The following TYW1 variants were observed in gnomAD, a reference collection of about 807,000 sequenced individuals.
TYW1 encodes the protein tRNA-yW synthesizing protein 1 homolog.
A neutral mutation model predicts 96.2 loss-of-function variants in TYW1; 46 were observed. The observed-to-expected ratio is 0.48, with a 90% CI of 0.38 to 0.61. TYW1 has a LOEUF of 0.61. TYW1 is among the 20% of genes least tolerant of loss of function. TYW1 has a pLI of 0.00. For missense variants in TYW1, 684 were observed against 909.6 expected (o/e 0.75, Z 3.19); for synonymous variants, 274 against 323.0 (o/e 0.85, Z 1.63).
chr7:67,027,377 A>T (rs1021501877), intron 7 of TYW1, among the ~76,000 whole-genome samples: 1 of 125,536 alleles, frequency 8.0e-6, no homozygotes, highest in African/African-American at 2.6e-5. Flanking sequence ...TAGAAGCAAT[A>T]AAAAAAATTA....
intron 15 of TYW1, among the ~76,000 whole-genome samples, chr7:67,216,506 T>TA (rs199783163): frequency 0.034 from 4,986 of 144,776 alleles, 304 homozygotes; most frequent in East Asian, 0.18. Flanking sequence ...GTGTGTCTAT[T>TA]TCAGTGTGTT....
At chr7:66,997,504 G>T (rs1176427647) in intron 1 of TYW1, among the ~76,000 whole-genome samples, 1 of 152,158 alleles carries the variant, frequency 6.6e-6, no homozygotes, top group Non-Finnish European at 1.5e-5. Flanking sequence ...TCCTTCTCTT[G>T]CTTCTAAATG....
Position 67,221,964 on chromosome 7 carries a change from G to A in TYW1, c.1978-16344G>A, listed in dbSNP as rs575912204. The stretch of plus-strand genomic sequence containing the variant: ...TGTAATCCCAGCACTTTGGGAGGCC[G>A]AGGTGGGCAGATCATCTGAGGTCAG... On this transcript the variant is annotated intron_variant, in intron 15 of 15. Coordinates refer to ENST00000359626, the MANE Select transcript of TYW1 (RefSeq NM_018264.4). Among the ~76,000 whole-genome samples the A allele has an allele frequency of 1.6e-4, 24 of 151,916 alleles. No individual in the cohort carries two copies. In the South Asian group the frequency reaches 2.3e-3, roughly 14 times the overall value.
chr7:67,137,629 A>C (rs1274736895), intron 13 of TYW1, among the ~76,000 whole-genome samples: 1 of 152,194 alleles, frequency 6.6e-6, no homozygotes, highest in African/African-American at 2.4e-5. Flanking sequence ...CAGTTTAAAC[A>C]AGACTCTGGG....
chr7:67,107,469 T>C (rs1563017066), intron 12 of TYW1, among the ~76,000 whole-genome samples: 1 of 152,092 alleles, frequency 6.6e-6, no homozygotes, highest in Non-Finnish European at 1.5e-5. Flanking sequence ...TGCAGAGAGG[T>C]GGCAAAAAGC....
At chr7:67,231,428 A>C (rs1351405846) in intron 15 of TYW1, among the ~76,000 whole-genome samples, 11 of 152,206 alleles carry the variant, frequency 7.2e-5, no homozygotes, top group Admixed American at 3.9e-4. Context: ...TGTTTCCTAA[A>C]GTTACTCCTT....
At chr7:67,040,042 C>T (rs971728637) in intron 7 of TYW1, among the ~76,000 whole-genome samples, 16 of 151,688 alleles carry the variant, frequency 1.1e-4, no homozygotes, top group South Asian at 6.2e-4. Context: ...CTGCAGCCTC[C>T]GCCTCCTGGG....
At chr7:67,047,355 A>C (rs1795217128) in intron 7 of TYW1, among the ~76,000 whole-genome samples, 1 of 152,224 alleles carries the variant, frequency 6.6e-6, no homozygotes, top group African/African-American at 2.4e-5. Flanking sequence ...ACATAGCGAG[A>C]CTTCATCTCA....
At chr7:67,110,477 ATC>A (rs1269818238) in intron 12 of TYW1, among the ~76,000 whole-genome samples, 1 of 152,230 alleles carries the variant, frequency 6.6e-6, no homozygotes, top group Non-Finnish European at 1.5e-5. Context: ...ATTTAAGGAT[ATC>A]TCTGTCCATT....
intron 7 of TYW1, among the ~76,000 whole-genome samples, chr7:67,031,296 G>A (rs1183922076): frequency 1.5e-4 from 17 of 113,208 alleles, no homozygotes; most frequent in South Asian, 3.3e-4. Context: ...GAGAGAATTA[G>A]AAAATCAGCT....
intron 7 of TYW1, among the ~76,000 whole-genome samples, chr7:67,037,476 C>T (rs552040731): frequency 6.9e-4 from 104 of 150,338 alleles, no homozygotes; most frequent in African/African-American, 2.4e-3. Context: ...TGCACTCCAG[C>T]CTGGGCAACA....
At chr7:67,181,615 T>G (rs1422083966) in intron 13 of TYW1, among the ~76,000 whole-genome samples, 3 of 152,138 alleles carry the variant, frequency 2.0e-5, no homozygotes, top group African/African-American at 7.2e-5. Flanking sequence ...TTACTGTTTT[T>G]TTTTCTTGAG....
At chr7:67,148,367 A>T (rs10274165) in intron 13 of TYW1, among the ~76,000 whole-genome samples, 1 of 149,340 alleles carries the variant, frequency 6.7e-6, no homozygotes, top group Non-Finnish European at 1.5e-5. Context: ...AAAAATTAAC[A>T]TGAGTCCGAG....
rs1027823277 is a variant in TYW1, at chr7:67,158,694, C to T, written c.1699-24432C>T. ...ATACCATTCTCCTGCCTCAGCCTAC[C>T]GTGTAGCTGGGACTACAGGTGCTCG... On this transcript the variant is annotated intron_variant, in intron 13 of 15. Coordinates refer to ENST00000359626, the MANE Select transcript of TYW1 (RefSeq NM_018264.4). Among the ~76,000 whole-genome samples the T allele has an allele frequency of 1.2e-3, 180 of 152,172 alleles. 1 individual carries two copies. Among genetic ancestry groups the T allele is most frequent in the Non-Finnish European group, 6.3e-4 (43 of 68,010 alleles).
chr7:67,072,339 T>C (rs9654849), intron 10 of TYW1, among the ~76,000 whole-genome samples: 71,494 of 150,376 alleles, frequency 0.48, 17,204 homozygotes, highest in Non-Finnish European at 0.5. Context: ...CTCCACCTCC[T>C]GGGTTCACAC....
chr7:67,071,616 C>A (rs1440636216), intron 10 of TYW1, among the ~76,000 whole-genome samples: 1 of 139,690 alleles, frequency 7.2e-6, no homozygotes, highest in Non-Finnish European at 1.6e-5. Flanking sequence ...CTATACCTGG[C>A]TAATTTTTTT....
intron 13 of TYW1, among the ~76,000 whole-genome samples, chr7:67,161,609 C>G (rs1799164918): frequency 6.6e-6 from 1 of 152,000 alleles, no homozygotes; most frequent in Admixed American, 6.6e-5. Context: ...TTCATTTTAT[C>G]TGTGTTGCAG....
chr7:67,066,459 T>C (rs1795872888), intron 9 of TYW1, among the ~76,000 whole-genome samples: 1 of 152,252 alleles, frequency 6.6e-6, no homozygotes, highest in Non-Finnish European at 1.5e-5. Flanking sequence ...TATTTGTTTT[T>C]ATCCCTTGCA....
At chr7:67,065,909 G>A (rs2115662603) in intron 9 of TYW1, among the ~76,000 whole-genome samples, 1 of 151,916 alleles carries the variant, frequency 6.6e-6, no homozygotes, top group East Asian at 1.9e-4. Context: ...TACTTGGGAG[G>A]CTGAGGCAGG....
Sources: allele counts gnomAD v4.1 joint callset (sites outside exome capture counted in the v4.1 genomes callset), GRCh38; gene constraint gnomAD v4.1.1; transcripts MANE v1.5; gene names NCBI Gene and HGNC (gene_info 2026-07-23, HGNC 2026-07-21).